Variants in INPP4B observed in about 807,000 individuals in gnomAD.
INPP4B encodes inositol polyphosphate-4-phosphatase type II B, also known as inositol polyphosphate 4-phosphatase type II.
In INPP4B, 55 loss-of-function variants were observed where a neutral mutation model predicts 122.5. That is an observed-to-expected ratio of 0.45 (90% CI 0.36 to 0.56). The LOEUF is 0.56. Among genes scored for constraint, INPP4B ranks in the 20% least tolerant of loss-of-function variants. INPP4B has a pLI of 0.00. For missense variants in INPP4B, 1,000 were observed against 1,097.7 expected (o/e 0.91, Z 1.26); for synonymous variants, 403 against 388.7 (o/e 1.04, Z -0.43).
intron 25 of INPP4B, among the ~76,000 whole-genome samples, chr4:142,078,690 CACAAT>C (rs780412567): frequency 2.0e-5 from 3 of 151,726 alleles, no homozygotes; most frequent in East Asian, 1.9e-4. Flanking sequence ...CAGAGATAAG[CACAAT>C]ACAATAGAAA....
intron 1 of INPP4B, among the ~76,000 whole-genome samples, chr4:142,792,966 T>C (rs1386194274): frequency 1.3e-5 from 2 of 151,962 alleles, no homozygotes; most frequent in Non-Finnish European, 2.9e-5. Flanking sequence ...TAGATAGACA[T>C]TGGCAACCAA....
At chr4:142,488,335 A>T (rs1189565022) in intron 2 of INPP4B, among the ~76,000 whole-genome samples, 1 of 152,038 alleles carries the variant, frequency 6.6e-6, no homozygotes, top group Non-Finnish European at 1.5e-5. Flanking sequence ...TCTTTTGATG[A>T]GGGATAATGG....
chr4:142,684,969 A>C (rs893940228), intron 2 of INPP4B, among the ~76,000 whole-genome samples: 1 of 152,098 alleles, frequency 6.6e-6, no homozygotes, highest in Non-Finnish European at 1.5e-5. Context: ...GGAATAAATC[A>C]AAGAACATAT....
chr4:142,640,298 CTT>C (rs1371199360), intron 2 of INPP4B, among the ~76,000 whole-genome samples: 1 of 151,128 alleles, frequency 6.6e-6, no homozygotes, highest in Non-Finnish European at 1.5e-5. Context: ...GAAATTAAGA[CTT>C]ATTAAAAACC....
At chr4:142,647,416 C>G (rs1424772565) in intron 2 of INPP4B, among the ~76,000 whole-genome samples, 1 of 152,058 alleles carries the variant, frequency 6.6e-6, no homozygotes, top group Non-Finnish European at 1.5e-5. Flanking sequence ...TTTATTGGTA[C>G]AAGAAGATAG....
At chr4:142,443,939 A>G (rs1379036531) in intron 3 of INPP4B, among the ~76,000 whole-genome samples, 1 of 152,200 alleles carries the variant, frequency 6.6e-6, no homozygotes, top group East Asian at 1.9e-4. Context: ...AATAATATGT[A>G]CATATATACC....
rs1057089669 is a variant in INPP4B, at chr4:142,126,939, G to GA, written c.1721-2180dup. On this transcript the variant is annotated intron_variant, in intron 18 of 25. Coordinates refer to ENST00000262992, the MANE Select transcript of INPP4B (RefSeq NM_001101669.3). The stretch of plus-strand genomic sequence containing the variant: ...GACTAATAGACACAGGGAAACACTA[G>GA]AAAAAACTTCAATAAATTAACCCAG... Among the ~76,000 whole-genome samples the GA allele has an allele frequency of 2.6e-5, 4 of 152,148 alleles. No homozygotes were observed. In the South Asian group the frequency reaches 8.3e-4, roughly 32 times the overall value.
At chr4:142,226,637 T>A (rs1003103785) in intron 12 of INPP4B, among the ~76,000 whole-genome samples, 1 of 152,170 alleles carries the variant, frequency 6.6e-6, no homozygotes, top group Admixed American at 6.5e-5. Context: ...GCCTGCAACA[T>A]GAATCATGAA....
chr4:142,241,833 C>G (rs1353088272), intron 11 of INPP4B, among the ~76,000 whole-genome samples: 1 of 152,098 alleles, frequency 6.6e-6, no homozygotes, highest in Non-Finnish European at 1.5e-5. Context: ...AAAGCTCAAA[C>G]ATTTATTTCA....
At position 142,208,532 on chromosome 4, in the gene INPP4B, G is replaced by T. The variant is rs750077375; in HGVS notation, c.968-3C>A. On this transcript the variant is annotated splice_region_variant and splice_polypyrimidine_tract_variant and intron_variant, in intron 13 of 25. Transcript: ENST00000262992. ...GCTGCTTGATTTGAAAGAGGACCCT[G>T]ATGGAAACCAGAAATTAAACATTAT... The T allele has an allele frequency of 6.7e-7, 1 of 1,502,756 alleles. No individual in the cohort carries two copies. The highest frequency in any genetic ancestry group is 1.2e-5 in the South Asian group (1 of 81,498). 93.1% of individuals were successfully genotyped at this position (1,502,756 alleles called of 1,614,324 possible). A position where few individuals can be genotyped will look rare whatever the true frequency, so the allele number is the denominator to read the frequency against.
At chr4:142,297,251 G>A (rs2151057435) in intron 9 of INPP4B, among the ~76,000 whole-genome samples, 1 of 152,332 alleles carries the variant, frequency 6.6e-6, no homozygotes, top group African/African-American at 2.4e-5. Flanking sequence ...ATGCCAGAGT[G>A]ATTAAAGCCA....
intron 10 of INPP4B, among the ~76,000 whole-genome samples, chr4:142,269,159 A>G (rs138730602): frequency 3.5e-4 from 53 of 152,318 alleles, no homozygotes; most frequent in African/African-American, 1.1e-3. Context: ...TATTTTAAGT[A>G]AAATGTGGAT....
chr4:142,400,183 C>T (rs1250794665), intron 7 of INPP4B, among the ~76,000 whole-genome samples: 3 of 152,140 alleles, frequency 2.0e-5, no homozygotes, highest in Non-Finnish European at 4.4e-5. Flanking sequence ...GTGTTTATTT[C>T]ACCGGTTATC....
chr4:142,250,250 C>G (rs1360155510), intron 11 of INPP4B, among the ~76,000 whole-genome samples: 1 of 152,202 alleles, frequency 6.6e-6, no homozygotes, highest in Non-Finnish European at 1.5e-5. Flanking sequence ...AAGGGTGAGG[C>G]CTTAGGGGAA....
At chr4:142,339,339 C>G (rs1420395942) in intron 7 of INPP4B, among the ~76,000 whole-genome samples, 3 of 152,146 alleles carry the variant, frequency 2.0e-5, no homozygotes, top group Non-Finnish European at 4.4e-5. Context: ...CAAAACAAAG[C>G]ATTAAGGTAG....
At chr4:142,691,602 T>A (rs996689478) in intron 2 of INPP4B, among the ~76,000 whole-genome samples, 8 of 152,104 alleles carry the variant, frequency 5.3e-5, no homozygotes, top group Non-Finnish European at 1.5e-5. Context: ...AAACTCAGAA[T>A]CCTGGTTACC....
At chr4:142,398,401 AATATATATATATAT>A (rs1206023677) in intron 7 of INPP4B, among the ~76,000 whole-genome samples, 532 of 28,424 alleles carry the variant, frequency 0.019, 14 homozygotes, top group African/African-American at 0.053. Context: ...AAAAAAAAAA[AATATATATATATAT>A]ATATATATAT....
chr4:142,820,744 G>C (rs1314397128), intron 1 of INPP4B, among the ~76,000 whole-genome samples: 1 of 152,068 alleles, frequency 6.6e-6, no homozygotes, highest in East Asian at 1.9e-4. Flanking sequence ...AAGGAAAATA[G>C]GAATGCTTTA....
chr4:142,808,058 A>T (rs1436192687), intron 1 of INPP4B, among the ~76,000 whole-genome samples: 1 of 151,112 alleles, frequency 6.6e-6, no homozygotes, highest in Non-Finnish European at 1.5e-5. Flanking sequence ...AACTCTTGCT[A>T]TTTCTCTAAA....
Sources: allele counts gnomAD v4.1 joint callset (sites outside exome capture counted in the v4.1 genomes callset), GRCh38; gene constraint gnomAD v4.1.1; transcripts MANE v1.5; gene names NCBI Gene and HGNC (gene_info 2026-07-23, HGNC 2026-07-21).